TPH2: variants seen among roughly 807,000 people sequenced by gnomAD.
TPH2 encodes the protein tryptophan hydroxylase 2, also known as tryptophan 5-hydroxylase 2.
Under a neutral mutation model 59.1 loss-of-function variants are expected in TPH2, and 27 were observed. The observed-to-expected ratio is 0.46, with a 90% confidence interval of 0.34 to 0.63. TPH2 has a LOEUF of 0.63. TPH2 is among the 30% of genes least tolerant of loss of function. The pLI is 0.01. For synonymous variants in TPH2, 220 were observed against 210.5 expected (o/e 1.05, Z -0.39); for missense variants, 523 against 588.3 (o/e 0.89, Z 1.15).
At chr12:71,977,317 A>G (rs1053144395) in intron 6 of TPH2, among the ~76,000 whole-genome samples, 1 of 151,996 alleles carries the variant, frequency 6.6e-6, no homozygotes, top group Non-Finnish European at 1.5e-5. Flanking sequence ...TTGGCCTCCT[A>G]AAGTACTGGT....
intron 9 of TPH2, among the ~76,000 whole-genome samples, chr12:72,026,630 T>C (rs979833111): frequency 2.0e-5 from 3 of 152,200 alleles, no homozygotes; most frequent in African/African-American, 7.2e-5. Context: ...CCCTTCCTCC[T>C]GCTCTTTCTT....
intron 5 of TPH2, among the ~76,000 whole-genome samples, chr12:71,959,062 AT>A (rs34121208): frequency 0.016 from 2,297 of 146,660 alleles, 49 homozygotes; most frequent in African/African-American, 0.053. Context: ...AGAGAAGGGC[AT>A]TTTTTTTTTT....
At chr12:71,988,360 A>T (rs1406074423) in intron 7 of TPH2, among the ~76,000 whole-genome samples, 3 of 152,172 alleles carry the variant, frequency 2.0e-5, no homozygotes, top group Admixed American at 6.5e-5. Context: ...ATTTGTAAAG[A>T]AAAGGGGTTT....
chr12:71,960,103 T>A (rs1463820353), intron 5 of TPH2, among the ~76,000 whole-genome samples: 1 of 152,208 alleles, frequency 6.6e-6, no homozygotes, highest in Non-Finnish European at 1.5e-5. Context: ...TTGTTGATGC[T>A]TTAATTTCTC....
intron 5 of TPH2, chr12:71,961,629 T>A: frequency 1.5e-6 from 2 of 1,352,148 alleles, no homozygotes; most frequent in Non-Finnish European, 2.0e-6. Context: ...GAGCTCAAGC[T>A]CCTTGTGTAT....
chr12:71,958,291 C>G (rs1345034232), intron 5 of TPH2, among the ~76,000 whole-genome samples: 2 of 152,180 alleles, frequency 1.3e-5, no homozygotes, highest in Admixed American at 6.5e-5. Flanking sequence ...AAGAATGCCT[C>G]TGGTAGAATC....
intron 8 of TPH2, among the ~76,000 whole-genome samples, chr12:72,007,922 C>A (rs1872998456): frequency 6.6e-6 from 1 of 152,100 alleles, no homozygotes; most frequent in Non-Finnish European, 1.5e-5. Context: ...ATATCTTTTC[C>A]ACAGCGCTGA....
chr12:72,031,037 G>T (rs574120083), intron 9 of TPH2, among the ~76,000 whole-genome samples: 3 of 152,168 alleles, frequency 2.0e-5, no homozygotes, highest in African/African-American at 7.2e-5. Context: ...TTCTCCCACA[G>T]TACCTAGCAT....
rs1555215108 is a variant in TPH2 at position 72,023,824 on chromosome 12, A to AAAAAAAAAAAAAAG, written c.1164+1342_1164+1343insAGAAAAAAAAAAAA. ...GGGAACAGAGGAGACTCTGACAGAA[A>AAAAAAAAAAAAAAG]AAAAAAAAAAAAGAAAATAATGATA... On this transcript the variant is annotated intron_variant, in intron 9 of 10. Transcript: ENST00000333850. Among the ~76,000 whole-genome samples the AAAAAAAAAAAAAAG allele has an allele frequency of 6.9e-4, 88 of 126,750 alleles. 3 individuals carry two copies. The highest frequency in any genetic ancestry group is 1.1e-3 in the Non-Finnish European group (66 of 61,298). The allele number at this position is 126,750 out of a possible 152,430, so 83.2% of individuals were successfully genotyped here.
intron 9 of TPH2, 79 bp from the exon 10 acceptor site, chr12:72,031,179 T>C: frequency 6.3e-7 from 1 of 1,579,194 alleles, no homozygotes; most frequent in Non-Finnish European, 8.7e-7. Flanking sequence ...AGCTATCAAA[T>C]GTGTTGTAAA....
chr12:71,941,600 C>G lies in TPH2; in HGVS notation c.122C>G (p.Ser41Cys). Residue 41 changes from serine (S) to cysteine (C), a missense_variant, in exon 2 of 11, where the codon TCT becomes TGT. Transcript: ENST00000333850. ...LGSSTLNKPNSGKNDDKGNKG... is the reference protein window; with the variant it reads ...LGSSTLNKPNCGKNDDKGNKG... ...TTCCTGAAGCTAAATAAACCTAACT[C>G]TGGCAAAAATGACGACAAAGGCAAC... 1.9e-6 allele frequency: 3 copies of G among 1,613,900 alleles called. No homozygotes were observed. The highest frequency in any genetic ancestry group is 2.5e-6 in the Non-Finnish European group (3 of 1,179,924).
At chr12:71,945,103 G>T (rs550862894) in intron 4 of TPH2, among the ~76,000 whole-genome samples, 1 of 152,274 alleles carries the variant, frequency 6.6e-6, no homozygotes, top group South Asian at 2.1e-4. Flanking sequence ...TTCCTTGACT[G>T]GAGGTAGTTA....
intron 7 of TPH2, among the ~76,000 whole-genome samples, chr12:71,991,895 A>G (rs1321795497): frequency 6.6e-6 from 1 of 152,192 alleles, no homozygotes; most frequent in Non-Finnish European, 1.5e-5. Context: ...TAGTTGCTTG[A>G]AGCTTGCTAG....
chr12:71,953,547 T>A (rs573656933), intron 5 of TPH2, among the ~76,000 whole-genome samples: 19 of 152,290 alleles, frequency 1.2e-4, no homozygotes, highest in African/African-American at 4.1e-4. Flanking sequence ...CAATTTCTAA[T>A]TGAAATAGGT....
intron 6 of TPH2, among the ~76,000 whole-genome samples, chr12:71,973,797 A>G (rs1872040600): frequency 6.6e-6 from 1 of 152,178 alleles, no homozygotes; most frequent in South Asian, 2.1e-4. Context: ...TAAATCAATC[A>G]ACTAATTGAT....
In TPH2 at chr12:71,994,472, A is replaced by G; in HGVS notation, c.975A>G (p.Pro325=). The change falls in exon 8 of 11, where the codon CCA becomes CCG. Residue 325 remains proline, a synonymous_variant. Coordinates refer to ENST00000333850, the MANE Select transcript of TPH2 (RefSeq NM_173353.4). ...DTCHELLGHV[P]LLADPKFAQF... The stretch of plus-strand genomic sequence containing the variant: ...GCCATGAACTCTTGGGACATGTTCC[A>G]CTACTTGCGGATCCTAAGTTTGCTC... 1 of 1,613,984 alleles carries G rather than the reference A, an allele frequency of 6.2e-7. No homozygotes were observed. Among genetic ancestry groups the G allele is most frequent in the Non-Finnish European group, 8.5e-7 (1 of 1,179,856 alleles).
chr12:71,951,166 C>T (rs1017112264), intron 5 of TPH2, among the ~76,000 whole-genome samples: 1 of 152,168 alleles, frequency 6.6e-6, no homozygotes, highest in African/African-American at 2.4e-5. Context: ...AGTACCACCC[C>T]CGCTAGCCCC....
chr12:71,951,758 G>C (rs1263797684), intron 5 of TPH2, among the ~76,000 whole-genome samples: 1 of 151,928 alleles, frequency 6.6e-6, no homozygotes, highest in African/African-American at 2.4e-5. Flanking sequence ...GGGTACAGTG[G>C]CTCATGCCTG....
At chr12:72,002,324 G>A (rs1872844471) in intron 8 of TPH2, among the ~76,000 whole-genome samples, 1 of 152,168 alleles carries the variant, frequency 6.6e-6, no homozygotes, top group South Asian at 2.1e-4. Context: ...GGATGAGGGA[G>A]GGGGAGAGAG....
Sources: allele counts gnomAD v4.1 joint callset (sites outside exome capture counted in the v4.1 genomes callset), GRCh38; gene constraint gnomAD v4.1.1; transcripts MANE v1.5; gene names NCBI Gene and HGNC (gene_info 2026-07-23, HGNC 2026-07-21).